VPS13D: variants seen among roughly 807,000 people sequenced by gnomAD.
VPS13D encodes intermembrane lipid transfer protein VPS13D.
VPS13D carries 187 observed loss-of-function variants against 461.9 expected under a neutral mutation model. The ratio of observed to expected loss-of-function variants is 0.40; its 90% CI spans 0.36 to 0.46. The LOEUF (loss-of-function observed/expected upper bound fraction) is 0.46. Ranked by LOEUF, VPS13D falls within the 20% of genes least tolerant of loss-of-function variation. The probability of loss-of-function intolerance (pLI) is 0.60; values close to 1 mark genes in which losing one functional copy is unlikely to be tolerated. For synonymous variants in VPS13D, 1,951 were observed against 1,986.3 expected (o/e 0.98, Z 0.47); for missense variants, 4,711 against 5,364.9 (o/e 0.88, Z 3.81).
At chr1:12,239,614 G>T (rs576005932) in intron 2 of VPS13D, among the ~76,000 whole-genome samples, 7 of 152,176 alleles carry the variant, frequency 4.6e-5, no homozygotes, top group Non-Finnish European at 1.0e-4. Flanking sequence ...CAGCCTGGGG[G>T]CCTATCGTAT....
At chr1:12,499,406 T>C (rs1646005413) in intron 68 of VPS13D, 1 of 958,162 alleles carries the variant, frequency 1.0e-6, no homozygotes, top group South Asian at 4.8e-5. Context: ...GCATGTTTTC[T>C]TTTCACTTTC....
At chr1:12,486,958 A>G (rs958807929) in intron 67 of VPS13D, among the ~76,000 whole-genome samples, 3 of 151,894 alleles carry the variant, frequency 2.0e-5, no homozygotes, top group East Asian at 3.9e-4. Context: ...CTCAACACCT[A>G]CGTTTCCAGG....
chr1:12,368,507 T>C lies in VPS13D; in HGVS notation c.10488T>C (p.Ile3496=). The change falls in exon 53 of 70, where the codon ATT becomes ATC. Residue 3496 remains isoleucine (I), a synonymous_variant. Transcript: ENST00000620676. ...LGKCFFLRVE[I]TLRGATYRIS... is the part of the protein sequence containing the mutation. The stretch of plus-strand genomic sequence containing the variant: ...AATGCTTCTTCCTACGAGTGGAAAT[T>C]ACTCTCCGAGGAGCTACGTATAGGA... 6.2e-7 allele frequency: 1 copy of C among 1,613,658 alleles called. No homozygotes were observed. Among genetic ancestry groups the C allele is most frequent in the East Asian group, 2.2e-5 (1 of 44,850 alleles).
chr1:12,364,731 C>G (rs1644007609), intron 52 of VPS13D, among the ~76,000 whole-genome samples: 1 of 152,158 alleles, frequency 6.6e-6, no homozygotes, highest in Non-Finnish European at 1.5e-5. Context: ...GGTTTAGATT[C>G]TTATTTCCTT....
intron 67 of VPS13D, among the ~76,000 whole-genome samples, chr1:12,479,917 C>G (rs1176831268): frequency 6.6e-6 from 1 of 152,180 alleles, no homozygotes; most frequent in African/African-American, 2.4e-5. Context: ...CCTCAGCCCA[C>G]CAGCTTAACA....
chr1:12,356,200 T>C, intron 48 of VPS13D, 110 bp downstream of exon 48: 1 of 1,411,224 alleles, frequency 7.1e-7, no homozygotes, highest in Non-Finnish European at 9.5e-7. Context: ...TTCAACAGTC[T>C]GAGCTGCTGA....
chr1:12,482,603 G>A (rs1015585530), intron 67 of VPS13D, among the ~76,000 whole-genome samples: 2 of 151,978 alleles, frequency 1.3e-5, no homozygotes, highest in African/African-American at 2.4e-5. Context: ...CTTACAAAAC[G>A]AATGTGATGG....
At chr1:12,282,035 G>A (rs1191417733) in intron 20 of VPS13D, among the ~76,000 whole-genome samples, 1 of 151,938 alleles carries the variant, frequency 6.6e-6, no homozygotes, top group Non-Finnish European at 1.5e-5. Flanking sequence ...CTACAGGCCT[G>A]TGCCACCACA....
chr1:12,393,601 T>C (rs1644456899), intron 60 of VPS13D, among the ~76,000 whole-genome samples: 1 of 152,106 alleles, frequency 6.6e-6, no homozygotes, highest in African/African-American at 2.4e-5. Flanking sequence ...AATGGAAGAG[T>C]TGAACAAGGA....
intron 65 of VPS13D, among the ~76,000 whole-genome samples, chr1:12,433,265 AAAAAAC>A (rs921667078): frequency 2.7e-5 from 4 of 149,306 alleles, no homozygotes; most frequent in Non-Finnish European, 4.5e-5. Context: ...GGGGAAAAAA[AAAAAAC>A]AAAAAAACAA....
At position 12,282,631 on chromosome 1, in the gene VPS13D, G is replaced by C. The variant is rs1051388352; in HGVS notation, c.4603-74G>C. The C allele has an allele frequency of 6.5e-6, 9 of 1,383,688 alleles. No individual in the cohort carries two copies. The South Asian group carries it at 8.1e-5, about 13-fold the overall frequency. The allele number at this position is 1,383,688 out of a possible 1,614,324, so 85.7% of individuals were successfully genotyped here. A position where few individuals can be genotyped will look rare whatever the true frequency, so the allele number is the denominator to read the frequency against. ...CTCATGTAGGAATCATGTGGCAACTGTAGACATTTATGGGCATTACATCTA... is the reference window on the plus strand; with the variant it reads ...CTCATGTAGGAATCATGTGGCAACTCTAGACATTTATGGGCATTACATCTA... On this transcript the variant is annotated intron_variant, in intron 20 of 69. Transcript: ENST00000620676.
At chr1:12,361,909 A>G (rs977181857) in intron 50 of VPS13D, among the ~76,000 whole-genome samples, 1 of 152,084 alleles carries the variant, frequency 6.6e-6, no homozygotes, top group Admixed American at 6.5e-5. Flanking sequence ...CCCAGACTAG[A>G]GTGTAATGGT....
chr1:12,296,537 T>C (rs539841263), intron 24 of VPS13D, among the ~76,000 whole-genome samples: 7 of 152,352 alleles, frequency 4.6e-5, no homozygotes, highest in African/African-American at 1.4e-4. Context: ...TTCATAGATA[T>C]CCTATGTAGC....
rs140371669 is a variant in VPS13D, at chr1:12,460,896, G to A, written c.12662+500G>A. On this transcript the variant is annotated intron_variant, in intron 67 of 69. Coordinates refer to ENST00000620676, the MANE Select transcript of VPS13D (RefSeq NM_015378.4). ...TCTGTTCCTTCTTAATTTTCCTTCC[G>A]CTTGAAAGTATCAGCCCCAACCCCA... Among the ~76,000 whole-genome samples the A allele has an allele frequency of 4.1e-4, 62 of 151,942 alleles. No homozygotes were observed. In the East Asian group the frequency reaches 0.01, roughly 25 times the overall value.
chr1:12,394,090 A>G (rs900543715), intron 60 of VPS13D, among the ~76,000 whole-genome samples: 2 of 152,082 alleles, frequency 1.3e-5, no homozygotes, highest in South Asian at 2.1e-4. Context: ...CTTGGGAAGG[A>G]TGGGAGAAAG....
In VPS13D at chr1:12,311,855, A is replaced by G; in HGVS notation, c.6865A>G (p.Ile2289Val). ...AGTGTACACCTGTATGTGCTTCCTC[A>G]TTGATATGGTGAATGTAAGTCTGGA... ...GEVYTCMCFL[I>V]DMVNVSLELK... is the part of the protein sequence containing the mutation. The change falls in exon 29 of 70, where the codon ATT becomes GTT. Residue 2289 changes from isoleucine to valine, a missense_variant. Physicochemically the swap from Ile to Val is conservative, Grantham distance 29. This residue lies in a region of VPS13D where 4,411 missense variants were observed against 4,937.8 expected (regional missense o/e 0.89). Coordinates refer to ENST00000620676, the MANE Select transcript of VPS13D (RefSeq NM_015378.4). The G allele has an allele frequency of 1.2e-6, 2 of 1,614,190 alleles. No homozygotes were observed. Among genetic ancestry groups the G allele is most frequent in the Non-Finnish European group, 1.7e-6 (2 of 1,180,010 alleles).
intron 68 of VPS13D, among the ~76,000 whole-genome samples, 186 bp from the exon 69 acceptor site, chr1:12,506,667 T>A (rs1019377347): frequency 2.6e-5 from 4 of 152,252 alleles, no homozygotes; most frequent in Non-Finnish European, 4.4e-5. Flanking sequence ...CTTTAAGCTA[T>A]CCAAAAATGC....
chr1:12,400,480 G>A, intron 61 of VPS13D, 150 bp downstream of exon 61: 1 of 1,007,224 alleles, frequency 9.9e-7, no homozygotes, highest in South Asian at 1.7e-5. Context: ...TTGTTTGGAG[G>A]AATTGACAGG....
chr1:12,499,182 C>T (rs908584269), intron 68 of VPS13D, among the ~76,000 whole-genome samples: 6 of 152,008 alleles, frequency 3.9e-5, no homozygotes, highest in Admixed American at 3.3e-4. Flanking sequence ...GGATGTGGTG[C>T]AGAGTCTACT....
Sources: allele counts gnomAD v4.1 joint callset (sites outside exome capture counted in the v4.1 genomes callset), GRCh38; gene constraint gnomAD v4.1.1; regional missense constraint gnomAD v4.1.1; transcripts MANE v1.5; gene names NCBI Gene and HGNC (gene_info 2026-07-23, HGNC 2026-07-21).